MRPL48: variants seen among roughly 807,000 people sequenced by gnomAD.
MRPL48 encodes mitochondrial ribosomal protein L48.
MRPL48 carries 16 observed loss-of-function variants against 32.9 expected under a neutral mutation model. That is an observed-to-expected ratio of 0.49 (90% CI 0.33 to 0.74). The LOEUF (loss-of-function observed/expected upper bound fraction) is 0.74, where lower values mean the gene tolerates loss of function less well. Ranked by LOEUF, MRPL48 falls within the 30% of genes least tolerant of loss-of-function variation. The pLI is 0.02. For missense variants in MRPL48, 206 were observed against 245.3 expected (o/e 0.84, Z 1.07); for synonymous variants, 94 against 89.2 (o/e 1.05, Z -0.31).
intron 5 of MRPL48, among the ~76,000 whole-genome samples, chr11:73,856,861 C>G (rs950880394): frequency 6.6e-6 from 1 of 151,464 alleles, no homozygotes; most frequent in African/African-American, 2.4e-5. Context: ...ATGTTTATTG[C>G]AGAAAATTTG....
intron 5 of MRPL48, among the ~76,000 whole-genome samples, chr11:73,855,581 A>C (rs1259976552): frequency 6.6e-6 from 1 of 152,094 alleles, no homozygotes; most frequent in East Asian, 1.9e-4. Flanking sequence ...TCTGCTGCCC[A>C]GATTCAAGCA....
chr11:73,836,592 A>T (rs987433024), intron 4 of MRPL48, among the ~76,000 whole-genome samples: 6 of 152,156 alleles, frequency 3.9e-5, no homozygotes, highest in African/African-American at 1.4e-4. Context: ...ATAAACATAT[A>T]TATTATTTAA....
intron 7 of MRPL48, 65 bp downstream of exon 7, chr11:73,863,326 T>G (rs1948616787): frequency 1.5e-6 from 2 of 1,316,774 alleles, no homozygotes; most frequent in Admixed American, 2.2e-5. Flanking sequence ...GATAAGAACA[T>G]CTGGACTTCC....
intron 5 of MRPL48, chr11:73,850,677 A>AT: frequency 2.3e-5 from 5 of 217,424 alleles, no homozygotes; most frequent in South Asian, 1.4e-4. Context: ...TGGGCTATAC[A>AT]ATTTTTTTTT....
chr11:73,830,385 G>C (rs1565099399), intron 4 of MRPL48, among the ~76,000 whole-genome samples: 2 of 152,188 alleles, frequency 1.3e-5, no homozygotes, highest in South Asian at 4.1e-4. Flanking sequence ...GGCTAGTACA[G>C]TAGTGCTGGA....
intron 5 of MRPL48, among the ~76,000 whole-genome samples, chr11:73,859,613 T>C (rs116083855): frequency 9.8e-5 from 15 of 152,294 alleles, no homozygotes; most frequent in African/African-American, 3.6e-4. Flanking sequence ...CATTCTTCAG[T>C]AGCAACAAAT....
At chr11:73,839,661 T>C (rs1025255136) in intron 4 of MRPL48, among the ~76,000 whole-genome samples, 16 of 152,082 alleles carry the variant, frequency 1.1e-4, no homozygotes, top group African/African-American at 3.6e-4. Context: ...AATGTAAATA[T>C]TAAAATAATA....
intron 3 of MRPL48, 84 bp downstream of exon 3, chr11:73,808,434 AC>A: frequency 1.4e-6 from 2 of 1,395,402 alleles, no homozygotes; most frequent in Non-Finnish European, 2.0e-6. Flanking sequence ...AAGGAAGCCT[AC>A]CATATCTTTG....
chr11:73,825,639 C>T (rs1947873355), intron 3 of MRPL48, 69 bp from the exon 4 acceptor site: 4 of 1,373,078 alleles, frequency 2.9e-6, no homozygotes, highest in South Asian at 2.5e-5. Flanking sequence ...GAGCAAGACC[C>T]TGTCTCTTAA....
At chr11:73,860,328 G>A (rs1228571823) in intron 6 of MRPL48, 1 of 209,494 alleles carries the variant, frequency 4.8e-6, no homozygotes, top group Non-Finnish European at 9.6e-6. Context: ...TTCCACAGGA[G>A]TCCTCCCTGC....
At chr11:73,861,238 A>G (rs1334193795) in intron 6 of MRPL48, among the ~76,000 whole-genome samples, 3 of 152,226 alleles carry the variant, frequency 2.0e-5, no homozygotes, top group Non-Finnish European at 2.9e-5. Context: ...CAGATCTGAC[A>G]TGCCAGAAGC....
At chr11:73,858,098 T>A (rs1470805881) in intron 5 of MRPL48, among the ~76,000 whole-genome samples, 1 of 152,254 alleles carries the variant, frequency 6.6e-6, no homozygotes, top group African/African-American at 2.4e-5. Context: ...TAGGGTGTTT[T>A]TATTTTTCTG....
intron 3 of MRPL48, among the ~76,000 whole-genome samples, chr11:73,823,655 T>TC (rs1947825554): frequency 2.0e-5 from 1 of 49,740 alleles, no homozygotes; most frequent in African/African-American, 1.2e-4. Context: ...TTCTTTTCTG[T>TC]TTTTTTTTTT....
chr11:73,856,124 C>T (rs932466055), intron 5 of MRPL48, among the ~76,000 whole-genome samples: 2 of 152,184 alleles, frequency 1.3e-5, no homozygotes, highest in African/African-American at 2.4e-5. Flanking sequence ...ATTCCTAGAA[C>T]AGCAGGATGA....
chr11:73,834,626 C>A (rs1321620985), intron 4 of MRPL48, among the ~76,000 whole-genome samples: 2 of 151,472 alleles, frequency 1.3e-5, no homozygotes, highest in African/African-American at 4.8e-5. Flanking sequence ...CTCCGCCTCC[C>A]GGGTTCAAGT....
At chr11:73,846,067 C>CA (rs749259766) in intron 5 of MRPL48, among the ~76,000 whole-genome samples, 16,499 of 56,998 alleles carry the variant, frequency 0.29, 2,336 homozygotes, top group Non-Finnish European at 0.33. Flanking sequence ...GACCCTGTCT[C>CA]AAAAAAAAAA....
At chr11:73,794,490 A>G (rs1010771314) in intron 1 of MRPL48, among the ~76,000 whole-genome samples, 1 of 151,242 alleles carries the variant, frequency 6.6e-6, no homozygotes, top group African/African-American at 2.4e-5. Flanking sequence ...GGGAGGAGGA[A>G]GTTGCAGTGA....
At chr11:73,804,873 G>T (rs1316645754) in intron 1 of MRPL48, among the ~76,000 whole-genome samples, 154 bp from the exon 2 acceptor site, 1 of 152,148 alleles carries the variant, frequency 6.6e-6, no homozygotes, top group Admixed American at 6.5e-5. Context: ...TTGTTTGCAT[G>T]CTTGGTGTTA....
At chr11:73,821,909 T>A (rs534993196) in intron 3 of MRPL48, among the ~76,000 whole-genome samples, 1 of 152,334 alleles carries the variant, frequency 6.6e-6, no homozygotes, top group East Asian at 1.9e-4. Flanking sequence ...TAAATATTTG[T>A]TGAATGGATG....
Sources: allele counts gnomAD v4.1 joint callset (sites outside exome capture counted in the v4.1 genomes callset), GRCh38; gene constraint gnomAD v4.1.1; transcripts MANE v1.5; gene names NCBI Gene and HGNC (gene_info 2026-07-23, HGNC 2026-07-21).